GATA3: variants seen among roughly 807,000 people sequenced by gnomAD.
The protein encoded by GATA3 is GATA binding protein 3, also known as trans-acting T-cell-specific transcription factor GATA-3.
A neutral mutation model predicts 36.0 loss-of-function variants in GATA3; 6 were observed. That is an observed-to-expected ratio of 0.17 (90% confidence interval 0.09 to 0.33). The LOEUF is 0.33. Ranked by LOEUF, GATA3 falls within the 10% of genes least tolerant of loss-of-function variation. The pLI, the probability that GATA3 is intolerant of heterozygous loss-of-function variation, is 1.00. For synonymous variants in GATA3, 326 were observed against 273.0 expected, an observed-to-expected ratio of 1.19 and a Z score of -1.92; for missense variants, 514 against 610.1, an observed-to-expected ratio of 0.84 and a Z score of 1.66.
chr10:8,045,435 C>G (rs569713563), exon 1 of GATA3: 1 of 152,602 alleles, frequency 6.6e-6, no homozygotes, highest in East Asian at 1.9e-4. Context: ...CGAACTCTGC[C>G]TGTCATTTCT....
In GATA3 at chr10:8,057,666, G is replaced by A. The variant is rs11567892; in HGVS notation, c.242-639G>A. On this transcript the variant is annotated intron_variant, in intron 2 of 5. Coordinates refer to ENST00000379328, the MANE Select transcript of GATA3 (RefSeq NM_001002295.2). ...AAATCCCATTTTAGGCCTTTTGCGG[G>A]CAGCCTGGCCGTTTCTGAGCAAGCA... Among the ~76,000 whole-genome samples the A allele has an allele frequency of 4.5e-3, 682 of 152,280 alleles. 11 individuals are homozygous for A. Among genetic ancestry groups the A allele is most frequent in the African/African-American group, 0.016 (651 of 41,548 alleles).
In GATA3 at chr10:8,055,040, G is replaced by A. The variant is rs1832599618; in HGVS notation, c.-370+149G>A. 1 of 181,204 alleles carries A rather than the reference G, an allele frequency of 5.5e-6. No homozygotes were observed. The highest frequency in any genetic ancestry group is 2.4e-5 in the African/African-American group (1 of 42,442). The allele number at this position is 181,204 out of a possible 1,614,324, so 11.2% of individuals were successfully genotyped here. ...ACGGTCCCGGGACCGGTGTCCCCGA[G>A]GGAGGGACTTGCCCTCCAAGTCGTA... is the stretch of plus-strand genomic sequence containing the variant. On this transcript the variant is annotated intron_variant, in intron 1 of 5. Transcript: ENST00000379328. This position sits in a 1 kb window ranked among gnomAD's most constrained non-coding sequence, Gnocchi z 5.4.
intron 4 of GATA3, among the ~76,000 whole-genome samples, chr10:8,069,228 G>A (rs1427273394): frequency 6.6e-6 from 1 of 152,098 alleles, no homozygotes; most frequent in South Asian, 2.1e-4. Flanking sequence ...CTCCTACCGG[G>A]GAGCAGCAGG....
chr10:8,049,497 CA>C (rs939352089), upstream of GATA3, among the ~76,000 whole-genome samples: 1 of 152,222 alleles, frequency 6.6e-6, no homozygotes, highest in African/African-American at 2.4e-5. Context: ...GCCCGAGTGG[CA>C]GAGACAGAGA....
chr10:8,049,631 C>A (rs1212571943), upstream of GATA3, among the ~76,000 whole-genome samples: 2 of 152,198 alleles, frequency 1.3e-5, no homozygotes, highest in African/African-American at 4.8e-5. Flanking sequence ...ACCCTCCCGC[C>A]CGGCAGCCGG....
chr10:8,067,625 T>C (rs563312424), intron 4 of GATA3, among the ~76,000 whole-genome samples: 41 of 152,266 alleles, frequency 2.7e-4, no homozygotes, highest in East Asian at 5.8e-4. Context: ...GAGACCATCC[T>C]GGCTAACACA....
intron 4 of GATA3, among the ~76,000 whole-genome samples, chr10:8,067,169 C>T (rs1832855569): frequency 6.6e-6 from 1 of 152,020 alleles, no homozygotes; most frequent in East Asian, 1.9e-4. Context: ...ATTAAATTAC[C>T]ATATTTCATA....
chr10:8,060,712 C>T (rs908934000), intron 3 of GATA3, among the ~76,000 whole-genome samples: 2 of 152,088 alleles, frequency 1.3e-5, no homozygotes, highest in African/African-American at 4.8e-5. Context: ...TGCACACTTT[C>T]TGCCTTAAGT....
chr10:8,072,750 G>T (rs1588390767), intron 5 of GATA3, among the ~76,000 whole-genome samples: 2 of 152,266 alleles, frequency 1.3e-5, no homozygotes, highest in South Asian at 4.1e-4. Context: ...AATACATGTT[G>T]ATTGGTTGGT....
intron 2 of GATA3, among the ~76,000 whole-genome samples, chr10:8,058,087 G>A (rs1466622572): frequency 1.3e-5 from 2 of 152,202 alleles, no homozygotes; most frequent in Admixed American, 1.3e-4. Context: ...GGACATCCCT[G>A]TGGGAGAGAT....
intron 3 of GATA3, among the ~76,000 whole-genome samples, chr10:8,063,734 A>G (rs1832786719): frequency 6.6e-6 from 1 of 152,196 alleles, no homozygotes; most frequent in Non-Finnish European, 1.5e-5. Flanking sequence ...CAAGCCAAGA[A>G]CAGGGTTCTG....
chr10:8,062,626 T>C (rs1832768941), intron 3 of GATA3, among the ~76,000 whole-genome samples: 1 of 152,172 alleles, frequency 6.6e-6, no homozygotes, highest in Admixed American at 6.5e-5. Flanking sequence ...TCAAGCACCC[T>C]ACTGGGTTCT....
intron 4 of GATA3, among the ~76,000 whole-genome samples, chr10:8,066,543 G>A (rs1832846772): frequency 6.6e-6 from 1 of 150,550 alleles, no homozygotes; most frequent in Admixed American, 6.6e-5. Context: ...CTTTATTCCA[G>A]TTCCAGCTTG....
At chr10:8,048,283 A>T (rs1279065684) in intron 1 of GATA3, among the ~76,000 whole-genome samples, 1 of 152,126 alleles carries the variant, frequency 6.6e-6, no homozygotes, top group African/African-American at 2.4e-5. Context: ...GGGGGAGTGG[A>T]GCAGGTGACT....
chr10:8,073,373 G>A (rs980247827), intron 5 of GATA3, among the ~76,000 whole-genome samples: 1 of 152,080 alleles, frequency 6.6e-6, no homozygotes, highest in Non-Finnish European at 1.5e-5. Flanking sequence ...TACTTTTCAA[G>A]TTCTGAAGCA....
At chr10:8,057,598 T>A (rs1832662267) in intron 2 of GATA3, among the ~76,000 whole-genome samples, 1 of 152,114 alleles carries the variant, frequency 6.6e-6, no homozygotes, top group Non-Finnish European at 1.5e-5. Flanking sequence ...GGTCCAGCCT[T>A]GGGAACTTTC....
In GATA3 at chr10:8,074,679, G is replaced by A. The variant is rs929190496; in HGVS notation, c.*656G>A. 7.3e-5 allele frequency: 17 copies of A among 233,602 alleles called. No homozygotes were observed. The highest frequency in any genetic ancestry group is 5.6e-5 in the Admixed American group (1 of 17,790). The allele number at this position is 233,602 out of a possible 1,614,324, so 14.5% of individuals were successfully genotyped here. On this transcript the variant is annotated 3_prime_UTR_variant, in exon 6 of 6. Transcript: ENST00000379328. ...CTTTTTCTAGGCCTACATGCTTTGTGAACAAGTCCCTGTAATTGTTGTTTG... is the reference window on the plus strand; with the variant it reads ...CTTTTTCTAGGCCTACATGCTTTGTAAACAAGTCCCTGTAATTGTTGTTTG...
At chr10:8,073,673 A>G in intron 5 of GATA3, 66 bp from the exon 6 acceptor site, 4 of 1,508,762 alleles carry the variant, frequency 2.7e-6, no homozygotes, top group Non-Finnish European at 2.7e-6. Flanking sequence ...TTGGTGTGCG[A>G]GAGCCTGTGC....
upstream of GATA3, chr10:8,051,159 T>TG: frequency 1.3e-5 from 3 of 230,060 alleles, no homozygotes; most frequent in African/African-American, 7.2e-5. Flanking sequence ...GGAGGGCGGG[T>TG]GGGAGGGACT....
Sources: allele counts gnomAD v4.1 joint callset (sites outside exome capture counted in the v4.1 genomes callset), GRCh38; gene constraint gnomAD v4.1.1; non-coding constraint Gnocchi (gnomAD v3.1); transcripts MANE v1.5; gene names NCBI Gene and HGNC (gene_info 2026-07-23, HGNC 2026-07-21).